CLMP: variants seen among roughly 807,000 people sequenced by gnomAD.
The protein encoded by CLMP is CXADR-like membrane protein.
Under a neutral mutation model 45.2 loss-of-function variants are expected in CLMP, and 27 were observed. The ratio of observed to expected loss-of-function variants is 0.60; its 90% CI spans 0.44 to 0.82. The LOEUF (loss-of-function observed/expected upper bound fraction) is 0.82. CLMP is among the 40% of genes least tolerant of loss of function. The probability of loss-of-function intolerance (pLI) is 0.00; values close to 1 mark genes in which losing one functional copy is unlikely to be tolerated. For missense variants in CLMP, 403 were observed against 448.4 expected (o/e 0.90, Z 0.91); for synonymous variants, 167 against 171.4 (o/e 0.97, Z 0.20).
chr11:123,169,335 T>C (rs913756004), intron 1 of CLMP, among the ~76,000 whole-genome samples: 3 of 152,234 alleles, frequency 2.0e-5, no homozygotes, highest in African/African-American at 4.8e-5. Context: ...GTCTTCTTTG[T>C]CTGCAAGGCT....
At chr11:123,077,217 T>G (rs1206407433) in intron 5 of CLMP, among the ~76,000 whole-genome samples, 1 of 152,124 alleles carries the variant, frequency 6.6e-6, no homozygotes, top group East Asian at 1.9e-4. Flanking sequence ...CAGGCTGGTT[T>G]CGAACTCCTG....
chr11:123,182,927 CT>C (rs1861788467), intron 1 of CLMP, among the ~76,000 whole-genome samples: 3 of 152,182 alleles, frequency 2.0e-5, no homozygotes, highest in Admixed American at 2.0e-4. Flanking sequence ...AAACCTAAGT[CT>C]TTTGTGCCAA....
intron 1 of CLMP, among the ~76,000 whole-genome samples, chr11:123,125,938 A>G (rs1860888533): frequency 6.6e-6 from 1 of 152,022 alleles, no homozygotes; most frequent in South Asian, 2.1e-4. Flanking sequence ...CTCTTCGCAC[A>G]GCAGGAGCAC....
chr11:123,138,866 G>A (rs1861114495), intron 1 of CLMP, among the ~76,000 whole-genome samples: 1 of 152,054 alleles, frequency 6.6e-6, no homozygotes, highest in African/African-American at 2.4e-5. Flanking sequence ...TGTTAGCCAG[G>A]CTGACCTCGA....
At chr11:123,097,723 A>T in intron 2 of CLMP, 72 bp downstream of exon 2, 1 of 1,202,458 alleles carries the variant, frequency 8.3e-7, no homozygotes, top group Non-Finnish European at 1.2e-6. Context: ...AGAAAGAAAG[A>T]CTGGAAGACT....
chr11:123,073,789 C>CT lies in CLMP; in HGVS notation c.822-16_822-15insA, dbSNP rs1565374386. 6.4e-7 allele frequency: 1 copy of CT among 1,552,738 alleles called. No individual in the cohort carries two copies. On this transcript the variant is annotated splice_polypyrimidine_tract_variant and intron_variant, in intron 6 of 6. Coordinates refer to ENST00000448775, the MANE Select transcript of CLMP (RefSeq NM_024769.5). Reference sequence around the variant, plus strand: ...CAGCATCTTCTCTGAAGAGAAAAAACAGCAAAGATTAACACTGGCAGATCT... The same window carrying CT: ...CAGCATCTTCTCTGAAGAGAAAAAACTAGCAAAGATTAACACTGGCAGATCT...
chr11:123,138,083 G>C (rs1034023775), intron 1 of CLMP, among the ~76,000 whole-genome samples: 1 of 151,996 alleles, frequency 6.6e-6, no homozygotes. Flanking sequence ...CAGAAGCTCT[G>C]TCCTGGGCTT....
chr11:123,118,217 C>G (rs879775397), intron 1 of CLMP, among the ~76,000 whole-genome samples: 17 of 152,076 alleles, frequency 1.1e-4, no homozygotes, highest in African/African-American at 3.1e-4. Flanking sequence ...GCAACCTCTG[C>G]CTCCGGAGTT....
chr11:123,108,269 C>A (rs1591461169), intron 1 of CLMP, among the ~76,000 whole-genome samples: 1 of 152,292 alleles, frequency 6.6e-6, no homozygotes, highest in Middle Eastern at 3.4e-3. Context: ...GCTGCTAAAT[C>A]CCTGACATTT....
At chr11:123,172,422 T>A (rs1012118510) in intron 1 of CLMP, among the ~76,000 whole-genome samples, 1 of 109,914 alleles carries the variant, frequency 9.1e-6, no homozygotes, top group Non-Finnish European at 1.8e-5. Context: ...ACTTAGCCAC[T>A]TTCTTATTTT....
intron 1 of CLMP, among the ~76,000 whole-genome samples, chr11:123,103,650 C>T (rs540254638): frequency 3.8e-4 from 58 of 152,116 alleles, no homozygotes; most frequent in Middle Eastern, 3.2e-3. Flanking sequence ...TCCAGGAGGC[C>T]ACTGAGATTT....
chr11:123,187,875 G>A (rs988726330), intron 1 of CLMP, among the ~76,000 whole-genome samples: 1 of 152,134 alleles, frequency 6.6e-6, no homozygotes, highest in African/African-American at 2.4e-5. Context: ...ACGCTGATGG[G>A]TGATCCATCA....
intron 5 of CLMP, among the ~76,000 whole-genome samples, chr11:123,081,413 T>C (rs1007324013): frequency 4.6e-5 from 7 of 151,958 alleles, no homozygotes; most frequent in African/African-American, 1.5e-4. Context: ...ATTTTAACAC[T>C]GCAAACATGG....
At chr11:123,118,933 C>CTTTTCT (rs199537177) in intron 1 of CLMP, among the ~76,000 whole-genome samples, 14 of 18,668 alleles carry the variant, frequency 7.5e-4, no homozygotes, top group Admixed American at 2.3e-3. Flanking sequence ...CTTTTCTTTT[C>CTTTTCT]TTTCTTTCTT....
intron 1 of CLMP, among the ~76,000 whole-genome samples, chr11:123,156,943 A>T (rs145772577): frequency 9.2e-5 from 14 of 152,344 alleles, no homozygotes; most frequent in Non-Finnish European, 1.6e-4. Context: ...TCAGTGGCTG[A>T]GGCTTGTGAC....
intron 1 of CLMP, among the ~76,000 whole-genome samples, chr11:123,107,261 C>T (rs1341093849): frequency 6.6e-6 from 1 of 150,602 alleles, no homozygotes; most frequent in Non-Finnish European, 1.5e-5. Context: ...GACGGAGTCT[C>T]ACTCTGTCAC....
At chr11:123,176,194 T>G (rs1861697177) in intron 1 of CLMP, among the ~76,000 whole-genome samples, 1 of 152,258 alleles carries the variant, frequency 6.6e-6, no homozygotes, top group South Asian at 2.1e-4. Flanking sequence ...TGCTTCTTTT[T>G]AGGAATAATT....
intron 1 of CLMP, among the ~76,000 whole-genome samples, chr11:123,150,477 A>AAGAAAG (rs1565397417): frequency 9.5e-6 from 1 of 105,622 alleles, no homozygotes; most frequent in Non-Finnish European, 2.1e-5. Context: ...GAAAGAAAGA[A>AAGAAAG]AGAAAGGAAG....
intron 1 of CLMP, among the ~76,000 whole-genome samples, chr11:123,116,564 A>G (rs1214338846): frequency 6.6e-6 from 1 of 152,116 alleles, no homozygotes; most frequent in Admixed American, 6.6e-5. Flanking sequence ...GTGAAACTCC[A>G]TCTCAAAAAT....
Sources: allele counts gnomAD v4.1 joint callset (sites outside exome capture counted in the v4.1 genomes callset), GRCh38; gene constraint gnomAD v4.1.1; transcripts MANE v1.5; gene names NCBI Gene and HGNC (gene_info 2026-07-23, HGNC 2026-07-21).